The following FARP2 variants were observed in gnomAD, a reference collection of about 807,000 sequenced individuals.
FARP2 encodes FERM, ARHGEF and pleckstrin domain-containing protein 2.
A neutral mutation model predicts 130.5 loss-of-function variants in FARP2; 111 were observed. The observed-to-expected ratio is 0.85, with a 90% CI of 0.73 to 1.00. The LOEUF is 1.00. Among genes scored for constraint, FARP2 ranks in the 50% least tolerant of loss-of-function variants. FARP2 has a pLI of 0.00. For missense variants in FARP2, 1,385 were observed against 1,346.3 expected, an observed-to-expected ratio of 1.03 and a Z score of -0.45; for synonymous variants, 504 against 516.9, an observed-to-expected ratio of 0.98 and a Z score of 0.34.
intron 11 of FARP2, 100 bp downstream of exon 11, chr2:241,435,130 G>A (rs137877011): frequency 1.5e-4 from 99 of 653,422 alleles, no homozygotes; most frequent in African/African-American, 1.2e-3. Flanking sequence ...GTCTTGCTCC[G>A]TCACCTAAGC....
At chr2:241,436,142 C>T (rs185960752) in intron 11 of FARP2, among the ~76,000 whole-genome samples, 37 of 151,486 alleles carry the variant, frequency 2.4e-4, no homozygotes, top group Admixed American at 1.1e-3. Context: ...TTGATCTGAC[C>T]TCGTGATCCA....
chr2:241,444,248 A>T (rs1381909623), intron 13 of FARP2: 1 of 152,294 alleles, frequency 6.6e-6, no homozygotes, highest in Non-Finnish European at 1.5e-5. Flanking sequence ...ACAGAAGCGC[A>T]GCAGTGAACC....
chr2:241,413,588 C>T (rs923886066), intron 7 of FARP2, among the ~76,000 whole-genome samples, 167 bp downstream of exon 7: 1 of 152,270 alleles, frequency 6.6e-6, no homozygotes, highest in Admixed American at 6.5e-5. Context: ...GGCAGACACA[C>T]AGACACACAG....
rs376478189 is a variant in FARP2 at position 241,457,644 on chromosome 2, C to T, written c.1587+722C>T. On this transcript the variant is annotated intron_variant, in intron 14 of 26. Transcript: ENST00000264042. ...GTACACTAGGGACCGCTTTGGGTTC[C>T]GGAGAGGCTCTTGGGCGGGAGACCC... Among the ~76,000 whole-genome samples, 44 of 86,212 alleles carry T rather than the reference C, an allele frequency of 5.1e-4. 1 individual carries two copies. The highest frequency in any genetic ancestry group is 1.3e-3 in the African/African-American group (27 of 20,528). The allele number at this position is 86,212 out of a possible 152,430, so 56.6% of individuals were successfully genotyped here.
intron 4 of FARP2, among the ~76,000 whole-genome samples, chr2:241,406,131 G>A (rs898436385): frequency 2.0e-4 from 30 of 151,496 alleles, no homozygotes; most frequent in African/African-American, 5.6e-4. Context: ...GTGAAACTCC[G>A]CCTCTACTAA....
At chr2:241,478,565 G>A (rs2064534183) in intron 19 of FARP2, 5 of 477,830 alleles carry the variant, frequency 1.0e-5, no homozygotes, top group Non-Finnish European at 2.2e-5. Context: ...CTATTTAATG[G>A]ACAGAGACCC....
chr2:241,409,413 G>A (rs1426420692), intron 5 of FARP2, among the ~76,000 whole-genome samples: 1 of 152,076 alleles, frequency 6.6e-6, no homozygotes, highest in East Asian at 1.9e-4. Context: ...AGCCAGGCAT[G>A]GTGGCATGCA....
intron 13 of FARP2, among the ~76,000 whole-genome samples, chr2:241,453,768 G>GT (rs1559786201): frequency 1.5e-4 from 15 of 99,880 alleles, no homozygotes; most frequent in African/African-American, 4.0e-4. Context: ...GGCACTTACT[G>GT]GTTTTTTTTT....
intron 2 of FARP2, among the ~76,000 whole-genome samples, chr2:241,397,285 G>A (rs2062054000): frequency 1.3e-5 from 2 of 152,084 alleles, no homozygotes; most frequent in Admixed American, 6.6e-5. Flanking sequence ...GTATACATAT[G>A]TAACTAACCT....
intron 7 of FARP2, among the ~76,000 whole-genome samples, chr2:241,417,703 A>T (rs903588577): frequency 6.6e-6 from 1 of 152,224 alleles, no homozygotes; most frequent in African/African-American, 2.4e-5. Flanking sequence ...AGCAGATGTA[A>T]GGCTGAGTAG....
At chr2:241,364,703 AAG>A (rs1157652311) in intron 1 of FARP2, among the ~76,000 whole-genome samples, 1 of 152,208 alleles carries the variant, frequency 6.6e-6, no homozygotes, top group African/African-American at 2.4e-5. Flanking sequence ...AAATGGATGA[AAG>A]AGTGAATTCA....
chr2:241,485,208 G>C (rs1475003942), intron 21 of FARP2, among the ~76,000 whole-genome samples: 1 of 129,048 alleles, frequency 7.7e-6, no homozygotes, highest in Non-Finnish European at 1.7e-5. Flanking sequence ...ACTCCCTGTG[G>C]TCTTCCCTCT....
rs147169728 is a variant in FARP2, at chr2:241,453,885, G to A, written c.1412-2862G>A. 4.1e-4 allele frequency among the ~76,000 whole-genome samples: 56 copies of A among 136,776 alleles called. No homozygotes were observed. The East Asian group carries it at 0.014, about 33-fold the overall frequency. The allele number at this position is 136,776 out of a possible 152,430, so 89.7% of individuals were successfully genotyped here. A position where few individuals can be genotyped will look rare whatever the true frequency, so the allele number is the denominator to read the frequency against. ...TGCAACCTCCACCTCCCGGGTTCAA[G>A]CAATTCTCCTGCCTCAGCCTCCTGA... On this transcript the variant is annotated intron_variant, in intron 13 of 26. Coordinates refer to ENST00000264042, the MANE Select transcript of FARP2 (RefSeq NM_014808.4).
rs754884528 is a variant in FARP2, at chr2:241,491,587, G to A, written c.2695G>A (p.Gly899Arg). ...DARGVRSSLE[G>R]HGQHRANTTM... Reference sequence around the variant, plus strand: ...TCGGGGTGTCCGCAGCTCCCTGGAGGGGCATGGCCAGCACCGGGCCAACAC... The same window carrying A: ...TCGGGGTGTCCGCAGCTCCCTGGAGAGGCATGGCCAGCACCGGGCCAACAC... Residue 899 changes from glycine to arginine, a missense_variant, in exon 24 of 27, where the codon GGG (glycine) becomes AGG (arginine). Gly to Arg is a moderately radical substitution (Grantham distance 125). Coordinates refer to ENST00000264042, the MANE Select transcript of FARP2 (RefSeq NM_014808.4). 6.2e-7 allele frequency: 1 copy of A among 1,613,864 alleles called. No homozygotes were observed. Among genetic ancestry groups the A allele is most frequent in the South Asian group, 1.1e-5 (1 of 91,090 alleles).
intron 19 of FARP2, among the ~76,000 whole-genome samples, chr2:241,480,127 T>C (rs983155498): frequency 5.9e-5 from 9 of 152,202 alleles, no homozygotes; most frequent in African/African-American, 2.2e-4. Flanking sequence ...AAGCTCTTTG[T>C]TTCTGGAACT....
chr2:241,456,244 A>C (rs1051783534), intron 13 of FARP2, among the ~76,000 whole-genome samples: 2 of 152,198 alleles, frequency 1.3e-5, no homozygotes, highest in Non-Finnish European at 2.9e-5. Context: ...TGAATTGAGC[A>C]GTTTTATATG....
chr2:241,444,032 A>G (rs1312467650), intron 13 of FARP2: 2 of 152,264 alleles, frequency 1.3e-5, no homozygotes, highest in Non-Finnish European at 2.9e-5. Context: ...TTTGTGGCTA[A>G]CCACATCAGG....
Position 241,403,926 on chromosome 2 carries a change from C to G in FARP2, c.282C>G (p.Ser94=). The G allele has an allele frequency of 1.3e-6, 2 of 1,589,628 alleles. No individual in the cohort carries two copies. The highest frequency in any genetic ancestry group is 1.7e-6 in the Non-Finnish European group (2 of 1,157,670). Residue 94 remains serine, a synonymous_variant, in exon 3 of 27, where the codon TCC becomes TCG. Coordinates refer to ENST00000264042, the MANE Select transcript of FARP2 (RefSeq NM_014808.4). Reference sequence around the variant, plus strand: ...GGATGGAGTTTCAAAATACTCAGTCCTACTGGGTAAGTGCTTATGACGTGC... The same window carrying G: ...GGATGGAGTTTCAAAATACTCAGTCGTACTGGGTAAGTGCTTATGACGTGC... ...YFGMEFQNTQ[S]YWIWLEPMKP...
chr2:241,394,964 G>A (rs1314205189), intron 2 of FARP2, among the ~76,000 whole-genome samples: 1 of 152,186 alleles, frequency 6.6e-6, no homozygotes, highest in African/African-American at 2.4e-5. Context: ...GTTCTGTGTG[G>A]GCAGACAGCG....
Sources: gnomAD v4.1 joint callset for allele counts (sites outside exome capture counted in the v4.1 genomes callset) on GRCh38, gnomAD v4.1.1 for gene constraint, MANE v1.5 for transcripts, NCBI Gene and HGNC (gene_info 2026-07-23, HGNC 2026-07-21) for gene names.